DNAJC11: variants seen among roughly 807,000 people sequenced by gnomAD.
The protein encoded by DNAJC11 is DnaJ heat shock protein family (Hsp40) member C11, also known as dnaJ homolog subfamily C member 11.
Under a neutral mutation model 78.6 loss-of-function variants are expected in DNAJC11, and 15 were observed. The observed-to-expected ratio is 0.19, with a 90% CI of 0.13 to 0.29. The LOEUF (loss-of-function observed/expected upper bound fraction) is 0.29, where lower values mean the gene tolerates loss of function less well. DNAJC11 is among the 10% of genes least tolerant of loss of function. The pLI, the probability that DNAJC11 is intolerant of heterozygous loss-of-function variation, is 1.00. For synonymous variants in DNAJC11, 292 were observed against 272.1 expected, an observed-to-expected ratio of 1.07 and a Z score of -0.72; for missense variants, 547 against 709.6, an observed-to-expected ratio of 0.77 and a Z score of 2.60.
chr1:6,638,606 C>T (rs889023146), intron 11 of DNAJC11, among the ~76,000 whole-genome samples: 3 of 152,228 alleles, frequency 2.0e-5, no homozygotes, highest in Non-Finnish European at 4.4e-5. Context: ...TGACGGGACA[C>T]CGACTGTCAG....
chr1:6,663,669 C>T (rs1250731018), intron 4 of DNAJC11, among the ~76,000 whole-genome samples: 1 of 152,154 alleles, frequency 6.6e-6, no homozygotes, highest in African/African-American at 2.4e-5. Flanking sequence ...TCCTGCCCAG[C>T]CACCAATTCT....
At position 6,635,494 on chromosome 1, in the gene DNAJC11, C is replaced by T. The variant is rs1641745018; in HGVS notation, c.*181G>A. The T allele has an allele frequency of 3.0e-6, 2 of 665,408 alleles. No individual in the cohort carries two copies. Among genetic ancestry groups the T allele is most frequent in the African/African-American group, 3.7e-5 (2 of 54,784 alleles). The allele number at this position is 665,408 out of a possible 1,614,324, so 41.2% of individuals were successfully genotyped here. On this transcript the variant is annotated 3_prime_UTR_variant, in exon 16 of 16. Coordinates refer to ENST00000377577, the MANE Select transcript of DNAJC11 (RefSeq NM_018198.4). ...CCCAGTGGGGCTGCCTCAGTCCTAC[C>T]CCCAGCACCCTCAAAAGCTGGGGTG... is the stretch of plus-strand genomic sequence containing the variant.
chr1:6,662,557 C>T (rs1301754279), intron 4 of DNAJC11, among the ~76,000 whole-genome samples: 2 of 152,120 alleles, frequency 1.3e-5, no homozygotes, highest in Admixed American at 1.3e-4. Flanking sequence ...TCTGTAAAAA[C>T]GCACCAATCA....
At chr1:6,638,208 C>A in intron 12 of DNAJC11, 87 bp downstream of exon 12, 3 of 1,359,250 alleles carry the variant, frequency 2.2e-6, no homozygotes, top group Non-Finnish European at 3.0e-6. Flanking sequence ...GAAGAGAAGT[C>A]TGACCTCTAA....
intron 12 of DNAJC11, chr1:6,638,002 C>T: frequency 5.0e-6 from 2 of 396,742 alleles, no homozygotes; most frequent in Non-Finnish European, 9.1e-6. Flanking sequence ...AGTATGCTCG[C>T]CACATACCCA....
At chr1:6,651,332 C>G (rs745470676) in intron 7 of DNAJC11, among the ~76,000 whole-genome samples, 197 bp downstream of exon 7, 17 of 152,200 alleles carry the variant, frequency 1.1e-4, no homozygotes, top group South Asian at 2.1e-4. Flanking sequence ...GACAAGGGTC[C>G]GGCCCCCTCA....
intron 10 of DNAJC11, 61 bp from the exon 11 acceptor site, chr1:6,640,118 G>T: frequency 4.0e-6 from 6 of 1,488,384 alleles, no homozygotes; most frequent in Middle Eastern, 2.1e-4. Flanking sequence ...TTCCAGGGAA[G>T]GGCAATGGGG....
chr1:6,701,512 A>G (rs1483588192), intron 1 of DNAJC11, among the ~76,000 whole-genome samples: 2 of 151,934 alleles, frequency 1.3e-5, no homozygotes, highest in African/African-American at 4.8e-5. Context: ...GGCCTTCAGG[A>G]GCTGGGGCGG....
Position 6,654,033 on chromosome 1 carries a change from T to A in DNAJC11, c.385A>T (p.Ile129Phe), listed in dbSNP as rs1375800530. Residue 129 changes from isoleucine (I) to phenylalanine (F), a missense_variant, in exon 5 of 16, where the codon ATC (isoleucine) becomes TTC (phenylalanine). Coordinates refer to ENST00000377577, the MANE Select transcript of DNAJC11 (RefSeq NM_018198.4). Reference protein sequence around the residue: ...LQQRTNPKGTISVGVDATDLF... With the variant: ...LQQRTNPKGTFSVGVDATDLF... ...TCGGTGGCATCTACTCCAACGCTGATCGTTCCCTGGGGCAGAAAAACAAGC... is the reference window on the plus strand; with the variant it reads ...TCGGTGGCATCTACTCCAACGCTGAACGTTCCCTGGGGCAGAAAAACAAGC... The A allele has an allele frequency of 7.4e-6, 12 of 1,612,582 alleles. No individual in the cohort carries two copies. Among genetic ancestry groups the A allele is most frequent in the African/African-American group, 4.0e-5 (3 of 74,902 alleles).
rs762207483 is a variant in DNAJC11, at chr1:6,653,993, T to C, written c.425A>G (p.Tyr142Cys). Reference sequence around the variant, plus strand: ...GGACACATCTTCATACTCCTCATCATAGCGATCAAAAAGGTCGGTGGCATC... The same window carrying C: ...GGACACATCTTCATACTCCTCATCACAGCGATCAAAAAGGTCGGTGGCATC... ...GVDATDLFDR[Y>C]DEEYEDVSGS... Residue 142 changes from tyrosine to cysteine, a missense_variant, in exon 5 of 16, where the codon TAT (tyrosine) becomes TGT (cysteine). By Grantham distance (194) the Tyr-to-Cys change is radical. Transcript: ENST00000377577. This position sits in a 1 kb window ranked among gnomAD's most constrained non-coding sequence, Gnocchi z 4.5. 6.2e-6 allele frequency: 10 copies of C among 1,613,504 alleles called. No individual in the cohort carries two copies. In the East Asian group the frequency reaches 6.7e-5, roughly 11 times the overall value.
intron 1 of DNAJC11, among the ~76,000 whole-genome samples, chr1:6,697,286 AG>A (rs546906300): frequency 3.9e-4 from 60 of 152,332 alleles, no homozygotes; most frequent in Admixed American, 2.0e-3. Flanking sequence ...GGTCCTTTCC[AG>A]CTGCCTGCTT....
intron 1 of DNAJC11, among the ~76,000 whole-genome samples, chr1:6,701,079 A>G (rs1642918174): frequency 6.6e-6 from 1 of 152,092 alleles, no homozygotes; most frequent in African/African-American, 2.4e-5. Flanking sequence ...TTAGGGCACC[A>G]CTTTTCTGGC....
At chr1:6,651,253 TTCTCC>T in intron 7 of DNAJC11, 1 of 637,556 alleles carries the variant, frequency 1.6e-6, no homozygotes, top group Non-Finnish European at 3.0e-6. Context: ...AAGGCACTCT[TTCTCC>T]GTGGCCTTGT....
intron 1 of DNAJC11, among the ~76,000 whole-genome samples, chr1:6,700,564 A>T (rs1457328341): frequency 3.3e-5 from 5 of 152,162 alleles, no homozygotes; most frequent in South Asian, 4.1e-4. Context: ...GTGACTTTAG[A>T]CACACTACTT....
rs1208660551 is a variant in DNAJC11, at chr1:6,652,968, C to T, written c.508-17G>A. ...CAAGGGTGCCTAAAAATGGTATTTG[C>T]TGGTAATGAATGAATCAAAACAACA... On this transcript the variant is annotated splice_polypyrimidine_tract_variant and intron_variant, in intron 5 of 15. Coordinates refer to ENST00000377577, the MANE Select transcript of DNAJC11 (RefSeq NM_018198.4). 1 of 1,613,834 alleles carries T rather than the reference C, an allele frequency of 6.2e-7. No individual in the cohort carries two copies. Among genetic ancestry groups the T allele is most frequent in the South Asian group, 1.1e-5 (1 of 91,062 alleles).
At chr1:6,657,361 C>T (rs770244726) in intron 4 of DNAJC11, among the ~76,000 whole-genome samples, 11 of 152,144 alleles carry the variant, frequency 7.2e-5, no homozygotes, top group South Asian at 2.1e-4. Context: ...CAGCCACCTC[C>T]GCTGAGGTGT....
In DNAJC11 at chr1:6,680,701, C is replaced by G. The variant is rs1205292392; in HGVS notation, c.202+207G>C. ...GACTCTGTCTATTACCTCGCCCGGTCTCTCATTTTCTACTTACTGGACACG... is the reference window on the plus strand; with the variant it reads ...GACTCTGTCTATTACCTCGCCCGGTGTCTCATTTTCTACTTACTGGACACG... On this transcript the variant is annotated intron_variant, in intron 2 of 15. Coordinates refer to ENST00000377577, the MANE Select transcript of DNAJC11 (RefSeq NM_018198.4). The surrounding 1 kb of genome is among the most constrained non-coding windows in gnomAD (Gnocchi z 4.0). 1.3e-5 allele frequency among the ~76,000 whole-genome samples: 2 copies of G among 152,166 alleles called. No homozygotes were observed. The highest frequency in any genetic ancestry group is 2.4e-5 in the African/African-American group (1 of 41,430).
Position 6,638,232 on chromosome 1 carries a change from A to G in DNAJC11, c.1323+63T>C. 3.9e-6 allele frequency: 6 copies of G among 1,522,738 alleles called. No individual in the cohort carries two copies. The South Asian group carries it at 7.2e-5, about 18-fold the overall frequency. The allele number at this position is 1,522,738 out of a possible 1,614,324, so 94.3% of individuals were successfully genotyped here. On this transcript the variant is annotated intron_variant, in intron 12 of 15. Coordinates refer to ENST00000377577, the MANE Select transcript of DNAJC11 (RefSeq NM_018198.4). The stretch of plus-strand genomic sequence containing the variant: ...TCTGACCTCTAAGGCCCTGAGACCA[A>G]CATGTGGGGTGTGGAGTGTGTCCCC...
At chr1:6,648,373 C>T (rs985114222) in intron 7 of DNAJC11, among the ~76,000 whole-genome samples, 1 of 152,186 alleles carries the variant, frequency 6.6e-6, no homozygotes, top group Admixed American at 6.5e-5. Context: ...CCAGGCTTGT[C>T]TTGAACTCCT....
Sources: gnomAD v4.1 joint callset for allele counts (sites outside exome capture counted in the v4.1 genomes callset) on GRCh38, gnomAD v4.1.1 for gene constraint, Gnocchi (gnomAD v3.1) non-coding constraint, MANE v1.5 for transcripts, NCBI Gene and HGNC (gene_info 2026-07-23, HGNC 2026-07-21) for gene names.